Variants in CCDC85A observed in about 807,000 individuals in gnomAD.
CCDC85A encodes the protein coiled-coil domain-containing protein 85A.
In CCDC85A, 38 loss-of-function variants were observed where a neutral mutation model predicts 50.2. That is an observed-to-expected ratio of 0.76 (90% CI 0.58 to 0.99). The LOEUF is 0.99. Among genes scored for constraint, CCDC85A ranks in the 50% least tolerant of loss-of-function variants. CCDC85A has a pLI of 0.00. For missense variants in CCDC85A, 820 were observed against 742.0 expected (o/e 1.11, Z -1.22); for synonymous variants, 366 against 301.4 (o/e 1.21, Z -2.22).
intron 2 of CCDC85A, among the ~76,000 whole-genome samples, chr2:56,284,727 T>G (rs1441056106): frequency 2.0e-5 from 3 of 152,220 alleles, no homozygotes; most frequent in African/African-American, 4.8e-5. Context: ...TTTGTCTCTC[T>G]GCCTTTAGTT....
intron 2 of CCDC85A, among the ~76,000 whole-genome samples, chr2:56,272,613 G>C (rs1044494334): frequency 7.9e-5 from 12 of 152,158 alleles, no homozygotes; most frequent in Non-Finnish European, 1.2e-4. Flanking sequence ...GAGAGTAAAA[G>C]TAAATTACAG....
intron 2 of CCDC85A, among the ~76,000 whole-genome samples, chr2:56,273,649 A>T (rs1465551188): frequency 6.6e-6 from 1 of 151,550 alleles, no homozygotes; most frequent in East Asian, 1.9e-4. Context: ...AGCAAAATGA[A>T]TGAGTGAACC....
chr2:56,239,371 G>GC (rs1462844845), intron 2 of CCDC85A, among the ~76,000 whole-genome samples: 1 of 152,156 alleles, frequency 6.6e-6, no homozygotes, highest in South Asian at 2.1e-4. Flanking sequence ...ATGAAACCTG[G>GC]CGGACTAAAG....
At chr2:56,379,971 C>A in intron 5 of CCDC85A, 1 of 168,774 alleles carries the variant, frequency 5.9e-6, no homozygotes, top group Non-Finnish European at 1.2e-5. Context: ...GAAAATAAAA[C>A]CAATTTCCCT....
At chr2:56,314,929 G>A (rs565582639) in intron 2 of CCDC85A, among the ~76,000 whole-genome samples, 7 of 152,256 alleles carry the variant, frequency 4.6e-5, no homozygotes, top group Admixed American at 3.9e-4. Flanking sequence ...AGGAAAGGGT[G>A]TGGATAGAGA....
intron 2 of CCDC85A, among the ~76,000 whole-genome samples, chr2:56,223,987 A>G (rs955878719): frequency 3.3e-5 from 5 of 152,184 alleles, no homozygotes; most frequent in African/African-American, 9.7e-5. Context: ...CATAAAATCT[A>G]CTAAAGTGTA....
intron 1 of CCDC85A, among the ~76,000 whole-genome samples, chr2:56,190,896 T>G (rs1676264175): frequency 6.6e-6 from 1 of 152,196 alleles, no homozygotes; most frequent in Non-Finnish European, 1.5e-5. Context: ...AAAGGAATCA[T>G]GTAATGTCAC....
At chr2:56,333,759 G>C (rs867095239) in intron 2 of CCDC85A, among the ~76,000 whole-genome samples, 1 of 152,094 alleles carries the variant, frequency 6.6e-6, no homozygotes, top group East Asian at 1.9e-4. Context: ...GTGTGAGAGA[G>C]AGGAACCACG....
rs186863495 is a variant in CCDC85A at position 56,369,615 on chromosome 2, T to C, written c.1318-2729T>C. ...GACTTATTCTTCTTAGCTTAAAACA[T>C]AGGTCACTTCATACTTTATTACTGA... On this transcript the variant is annotated intron_variant, in intron 3 of 5. Transcript: ENST00000407595. Among the ~76,000 whole-genome samples, 11 of 152,272 alleles carry C rather than the reference T, an allele frequency of 7.2e-5. No homozygotes were observed. The East Asian group carries it at 1.5e-3, about 21-fold the overall frequency.
intron 5 of CCDC85A, 128 bp from the exon 6 acceptor site, chr2:56,384,138 T>A: frequency 1.3e-6 from 1 of 758,750 alleles, no homozygotes. Context: ...TTTGAACTCA[T>A]TCATGTGGAT....
At chr2:56,197,140 G>T (rs1441742418) in intron 2 of CCDC85A, among the ~76,000 whole-genome samples, 5 of 152,152 alleles carry the variant, frequency 3.3e-5, no homozygotes, top group African/African-American at 1.2e-4. Flanking sequence ...TTCTTGTTTT[G>T]TGAGGGTATC....
intron 2 of CCDC85A, among the ~76,000 whole-genome samples, chr2:56,213,688 C>T (rs1348111073): frequency 2.6e-5 from 4 of 151,686 alleles, no homozygotes; most frequent in Non-Finnish European, 4.4e-5. Context: ...AGGAACCCCT[C>T]GAACAGAGAC....
chr2:56,277,521 A>G (rs926148823), intron 2 of CCDC85A, among the ~76,000 whole-genome samples: 1 of 152,244 alleles, frequency 6.6e-6, no homozygotes, highest in African/African-American at 2.4e-5. Context: ...TTAAAAAACC[A>G]CATGACTTGT....
chr2:56,248,980 C>T (rs1233960350), intron 2 of CCDC85A, among the ~76,000 whole-genome samples: 2 of 152,204 alleles, frequency 1.3e-5, no homozygotes, highest in Admixed American at 6.5e-5. Context: ...AGATGGGGTT[C>T]TAGAAAAGGT....
chr2:56,184,913 C>T lies in CCDC85A; in HGVS notation c.276+13C>T. On this transcript the variant is annotated intron_variant, in intron 1 of 5. Transcript: ENST00000407595. Reference sequence around the variant, plus strand: ...CCGCGGCCTCAAGGTGAGCGCGGGCCAGGTGGGGAGGCGCGGCGCGGCTGG... The same window carrying T: ...CCGCGGCCTCAAGGTGAGCGCGGGCTAGGTGGGGAGGCGCGGCGCGGCTGG... The T allele has an allele frequency of 6.8e-7, 1 of 1,478,804 alleles. No individual in the cohort carries two copies. Among genetic ancestry groups the T allele is most frequent in the African/African-American group, 1.5e-5 (1 of 68,540 alleles). The allele number at this position is 1,478,804 out of a possible 1,614,324, so 91.6% of individuals were successfully genotyped here.
intron 2 of CCDC85A, among the ~76,000 whole-genome samples, chr2:56,277,278 C>T (rs1331715267): frequency 1.3e-5 from 2 of 152,110 alleles, no homozygotes; most frequent in Non-Finnish European, 2.9e-5. Context: ...CATGACCTAT[C>T]ATCTTGCAGA....
chr2:56,327,977 A>G (rs1426982765), intron 2 of CCDC85A, among the ~76,000 whole-genome samples: 2 of 152,148 alleles, frequency 1.3e-5, no homozygotes, highest in African/African-American at 4.8e-5. Flanking sequence ...CAACAATCTA[A>G]TAAGGAAGAT....
intron 2 of CCDC85A, among the ~76,000 whole-genome samples, chr2:56,240,490 T>C (rs934116937): frequency 1.3e-5 from 2 of 152,194 alleles, no homozygotes; most frequent in Non-Finnish European, 2.9e-5. Context: ...CATTCTTCAT[T>C]CATTCATCAT....
At chr2:56,198,372 C>A (rs1396732061) in intron 2 of CCDC85A, among the ~76,000 whole-genome samples, 1 of 152,188 alleles carries the variant, frequency 6.6e-6, no homozygotes, top group Non-Finnish European at 1.5e-5. Context: ...AATTCAGGCC[C>A]TCTGTGTGTA....
Sources: gnomAD v4.1 joint callset for allele counts (sites outside exome capture counted in the v4.1 genomes callset) on GRCh38, gnomAD v4.1.1 for gene constraint, MANE v1.5 for transcripts, NCBI Gene and HGNC (gene_info 2026-07-23, HGNC 2026-07-21) for gene names.